KCTD20: variants seen among roughly 807,000 people sequenced by gnomAD.
KCTD20 encodes potassium channel tetramerization domain containing 20.
In KCTD20, 30 loss-of-function variants were observed where a neutral mutation model predicts 39.6. The ratio of observed to expected loss-of-function variants is 0.76; its 90% CI spans 0.57 to 1.03. The LOEUF is 1.03. Ranked by LOEUF, KCTD20 falls within the 50% of genes least tolerant of loss-of-function variation. The probability of loss-of-function intolerance (pLI) is 0.00; values close to 1 mark genes in which losing one functional copy is unlikely to be tolerated. For missense variants in KCTD20, 422 were observed against 522.0 expected, an observed-to-expected ratio of 0.81 and a Z score of 1.87; for synonymous variants, 162 against 180.6, an observed-to-expected ratio of 0.90 and a Z score of 0.83.
At chr6:36,483,938 A>AG (rs1196936794) in intron 6 of KCTD20, among the ~76,000 whole-genome samples, 51 of 138,962 alleles carry the variant, frequency 3.7e-4, no homozygotes, top group African/African-American at 1.1e-3. Flanking sequence ...AGTGAGGCTG[A>AG]ATTTTTTTTT....
intron 1 of KCTD20, among the ~76,000 whole-genome samples, chr6:36,453,817 T>C (rs1775345323): frequency 6.6e-6 from 1 of 152,288 alleles, no homozygotes; most frequent in Middle Eastern, 3.4e-3. Flanking sequence ...GCCTCTAATA[T>C]ATGTTTTAAA....
chr6:36,482,984 GC>G (rs1213995088), intron 6 of KCTD20, among the ~76,000 whole-genome samples: 6 of 150,468 alleles, frequency 4.0e-5, no homozygotes, highest in Non-Finnish European at 5.9e-5. Context: ...GGGCATGGTG[GC>G]CCATGCCTGT....
intron 6 of KCTD20, 146 bp from the exon 7 acceptor site, chr6:36,484,568 G>C (rs1247765643): frequency 1.9e-6 from 1 of 525,396 alleles, no homozygotes; most frequent in Non-Finnish European, 3.4e-6. Context: ...TACGGTTTAT[G>C]TATTATTTAA....
At chr6:36,479,567 T>A (rs1776172503) in intron 4 of KCTD20, 24 bp from the exon 5 acceptor site, 1 of 1,592,664 alleles carries the variant, frequency 6.3e-7, no homozygotes, top group Non-Finnish European at 8.5e-7. Flanking sequence ...CTGCCTACAT[T>A]TTTTCTTCCT....
chr6:36,466,305 C>T (rs1476241716), intron 1 of KCTD20, among the ~76,000 whole-genome samples: 18 of 151,734 alleles, frequency 1.2e-4, no homozygotes, highest in African/African-American at 3.4e-4. Context: ...TCAGGTGATC[C>T]GCCCACCTCA....
chr6:36,477,749 G>T (rs1776110692), intron 3 of KCTD20, among the ~76,000 whole-genome samples: 1 of 149,582 alleles, frequency 6.7e-6, no homozygotes, highest in African/African-American at 2.4e-5. Flanking sequence ...CTCCCAAAGT[G>T]CTGGGATTAC....
intron 7 of KCTD20, among the ~76,000 whole-genome samples, chr6:36,485,223 T>A (rs1326096819): frequency 6.6e-6 from 1 of 151,798 alleles, no homozygotes; most frequent in Non-Finnish European, 1.5e-5. Context: ...TTATTCCGGC[T>A]GGGCACAGTT....
At position 36,475,067 on chromosome 6, in the gene KCTD20, CTGA is replaced by C; in HGVS notation, c.434+10_434+12del. The C allele has an allele frequency of 1.2e-6, 2 of 1,608,080 alleles. No homozygotes were observed. The highest frequency in any genetic ancestry group is 1.7e-6 in the Non-Finnish European group (2 of 1,177,318). ...TCCGGATACCATGCTGGGAAGGTAA[CTGA>C]TGATAATTTTCTTCCAAATTCATTC... On this transcript the variant is annotated splice_donor_region_variant and intron_variant, in intron 3 of 7. Transcript: ENST00000373731.
At chr6:36,467,741 G>A (rs764027367) in intron 1 of KCTD20, among the ~76,000 whole-genome samples, 2 of 152,090 alleles carry the variant, frequency 1.3e-5, no homozygotes, top group South Asian at 4.2e-4. Context: ...GATCTTACTC[G>A]TCAAAGCATT....
chr6:36,455,732 G>A (rs557788727), intron 1 of KCTD20, among the ~76,000 whole-genome samples: 2 of 152,280 alleles, frequency 1.3e-5, no homozygotes, highest in East Asian at 3.9e-4. Flanking sequence ...GGAGGGACAG[G>A]CAGGACCTCT....
intron 1 of KCTD20, among the ~76,000 whole-genome samples, chr6:36,452,086 C>T (rs1261941326): frequency 3.3e-5 from 5 of 152,198 alleles, no homozygotes; most frequent in Non-Finnish European, 7.3e-5. Context: ...GCTGGGATTA[C>T]AGGTGTGAGT....
At chr6:36,478,206 C>T (rs1314495688) in intron 3 of KCTD20, among the ~76,000 whole-genome samples, 1 of 152,158 alleles carries the variant, frequency 6.6e-6, no homozygotes, top group African/African-American at 2.4e-5. Flanking sequence ...CAGTTAACCC[C>T]CATTTGATTG....
intron 1 of KCTD20, among the ~76,000 whole-genome samples, chr6:36,446,316 C>T (rs1775047383): frequency 6.6e-6 from 1 of 152,016 alleles, no homozygotes; most frequent in South Asian, 2.1e-4. Flanking sequence ...GTTTGAGCCA[C>T]CATGCCAGGC....
intron 7 of KCTD20, among the ~76,000 whole-genome samples, chr6:36,485,241 C>A (rs969625295): frequency 5.3e-5 from 8 of 151,906 alleles, no homozygotes; most frequent in Non-Finnish European, 8.8e-5. Context: ...GTTTGTTGTG[C>A]CTATGATCCC....
intron 1 of KCTD20, among the ~76,000 whole-genome samples, chr6:36,468,085 T>C (rs1330649397): frequency 7.9e-5 from 12 of 152,220 alleles, no homozygotes; most frequent in Non-Finnish European, 1.5e-5. Context: ...TTTTGCATTA[T>C]CTATAAGGTT....
intron 1 of KCTD20, among the ~76,000 whole-genome samples, chr6:36,460,160 T>G (rs531110795): frequency 7.2e-4 from 109 of 152,292 alleles, no homozygotes; most frequent in Middle Eastern, 6.8e-3. Context: ...ACCTATTATG[T>G]GCCTTGGATT....
At chr6:36,472,865 C>T (rs573653034) in intron 2 of KCTD20, among the ~76,000 whole-genome samples, 1 of 151,716 alleles carries the variant, frequency 6.6e-6, no homozygotes, top group Non-Finnish European at 1.5e-5. Context: ...AGTTTTAAGC[C>T]TGTTTTGTAT....
chr6:36,465,628 A>C (rs753881933), intron 1 of KCTD20: 2 of 152,190 alleles, frequency 1.3e-5, no homozygotes, highest in Non-Finnish European at 2.9e-5. Context: ...AGATAATTCC[A>C]CTATCAAAGA....
At chr6:36,466,384 CTT>C (rs397745312) in intron 1 of KCTD20, among the ~76,000 whole-genome samples, 34 of 138,630 alleles carry the variant, frequency 2.5e-4, no homozygotes, top group Admixed American at 3.6e-4. Flanking sequence ...CTTTTTTTCT[CTT>C]TTTTTTTTTT....
Sources: gnomAD v4.1 joint callset for allele counts (sites outside exome capture counted in the v4.1 genomes callset) on GRCh38, gnomAD v4.1.1 for gene constraint, MANE v1.5 for transcripts, NCBI Gene and HGNC (gene_info 2026-07-23, HGNC 2026-07-21) for gene names.